Variants in FGGY observed in about 807,000 individuals in gnomAD.
FGGY encodes the protein FGGY carbohydrate kinase domain-containing protein.
In FGGY, 72 loss-of-function variants were observed where a neutral mutation model predicts 71.3. The ratio of observed to expected loss-of-function variants is 1.01; its 90% CI spans 0.84 to 1.23. The LOEUF (loss-of-function observed/expected upper bound fraction) is 1.23. Among genes scored for constraint, FGGY ranks in the 50% most tolerant of loss-of-function variants. The pLI is 0.00. For synonymous variants in FGGY, 251 were observed against 250.3 expected (o/e 1.00, Z -0.02); for missense variants, 668 against 682.3 (o/e 0.98, Z 0.23).
At chr1:59,327,412 T>C (rs1191765858) in intron 2 of FGGY, among the ~76,000 whole-genome samples, 1 of 152,236 alleles carries the variant, frequency 6.6e-6, no homozygotes, top group East Asian at 1.9e-4. Context: ...CGGTTCATAT[T>C]CTATCATGAG....
At chr1:59,608,790 A>C (rs2096647664) in intron 9 of FGGY, among the ~76,000 whole-genome samples, 2 of 152,186 alleles carry the variant, frequency 1.3e-5, no homozygotes, top group African/African-American at 4.8e-5. Context: ...TGAACTGAGA[A>C]TGCAACACTG....
At chr1:59,701,568 G>T (rs920930131) in intron 14 of FGGY, among the ~76,000 whole-genome samples, 1 of 152,110 alleles carries the variant, frequency 6.6e-6, no homozygotes, top group Non-Finnish European at 1.5e-5. Flanking sequence ...TGCAGAAGAG[G>T]CATACCATAA....
At chr1:59,655,519 C>G (rs1170713325) in intron 11 of FGGY, among the ~76,000 whole-genome samples, 3 of 150,344 alleles carry the variant, frequency 2.0e-5, no homozygotes, top group Middle Eastern at 3.2e-3. Flanking sequence ...TGAGTGAGAA[C>G]ATGTGGTGTT....
At chr1:59,326,695 T>G (rs1241242577) in intron 2 of FGGY, among the ~76,000 whole-genome samples, 2 of 152,198 alleles carry the variant, frequency 1.3e-5, no homozygotes, top group Admixed American at 1.3e-4. Context: ...TATTCATTTT[T>G]CTTTTCTCTA....
chr1:59,456,923 T>C (rs1189686114), intron 5 of FGGY, 38 bp from the exon 6 acceptor site: 1 of 1,464,640 alleles, frequency 6.8e-7, no homozygotes, highest in East Asian at 2.3e-5. Context: ...GCCTCACTCA[T>C]ATGGTCAGTT....
chr1:59,415,669 C>G (rs1367508320), intron 5 of FGGY, among the ~76,000 whole-genome samples: 4 of 152,212 alleles, frequency 2.6e-5, no homozygotes, highest in Admixed American at 6.5e-5. Flanking sequence ...AGTTATCACA[C>G]TGTTTTGCGG....
chr1:59,672,394 A>G (rs1218835708), intron 13 of FGGY, among the ~76,000 whole-genome samples: 1 of 152,150 alleles, frequency 6.6e-6, no homozygotes, highest in Non-Finnish European at 1.5e-5. Context: ...CTCACAACAC[A>G]CCTGTGTGGT....
intron 7 of FGGY, among the ~76,000 whole-genome samples, chr1:59,534,499 C>T (rs997049856): frequency 3.3e-5 from 5 of 151,726 alleles, no homozygotes; most frequent in Non-Finnish European, 7.4e-5. Flanking sequence ...AGATACTCCT[C>T]GAGAAGAGCA....
intron 7 of FGGY, among the ~76,000 whole-genome samples, chr1:59,546,520 G>GATTATTATT (rs1491427942): frequency 1.8e-3 from 152 of 82,978 alleles, no homozygotes; most frequent in Middle Eastern, 4.8e-3. Flanking sequence ...TGATGATGAT[G>GATTATTATT]ATGATGATGA....
chr1:59,649,711 CT>C (rs1446632183), intron 11 of FGGY, among the ~76,000 whole-genome samples: 1 of 134,894 alleles, frequency 7.4e-6, no homozygotes, highest in Non-Finnish European at 1.5e-5. Flanking sequence ...GACAATTTGA[CT>C]TCCTCTTTTC....
At chr1:59,325,891 A>G (rs1283804214) in intron 2 of FGGY, among the ~76,000 whole-genome samples, 1 of 152,238 alleles carries the variant, frequency 6.6e-6, no homozygotes, top group Non-Finnish European at 1.5e-5. Context: ...TCCTCCCTAC[A>G]TTCCCTAAAT....
intron 5 of FGGY, among the ~76,000 whole-genome samples, chr1:59,426,978 G>T (rs1024514530): frequency 2.0e-5 from 3 of 152,144 alleles, no homozygotes; most frequent in Non-Finnish European, 2.9e-5. Context: ...CAGAGGCCAA[G>T]CATGCTGGGG....
chr1:59,386,158 A>G (rs572083202), intron 5 of FGGY, among the ~76,000 whole-genome samples: 1 of 152,260 alleles, frequency 6.6e-6, no homozygotes, highest in Non-Finnish European at 1.5e-5. Flanking sequence ...ATATATTATC[A>G]TTAATAAAAT....
intron 8 of FGGY, among the ~76,000 whole-genome samples, chr1:59,597,261 T>C (rs2096533454): frequency 1.3e-5 from 2 of 152,226 alleles, no homozygotes; most frequent in African/African-American, 4.8e-5. Context: ...TTGATGCTTA[T>C]GCACAGAAAT....
intron 14 of FGGY, among the ~76,000 whole-genome samples, chr1:59,732,505 G>A (rs2098045836): frequency 6.6e-6 from 1 of 152,214 alleles, no homozygotes; most frequent in African/African-American, 2.4e-5. Context: ...ATGGGGAAGT[G>A]CAGGGAGGGC....
intron 5 of FGGY, among the ~76,000 whole-genome samples, chr1:59,402,044 T>C (rs556670220): frequency 4.0e-4 from 61 of 152,250 alleles, no homozygotes; most frequent in Non-Finnish European, 8.1e-4. Context: ...GGCTATAAGC[T>C]TTCTGACTGC....
chr1:59,550,714 T>C (rs1418171401), intron 7 of FGGY, among the ~76,000 whole-genome samples: 1 of 152,216 alleles, frequency 6.6e-6, no homozygotes, highest in Non-Finnish European at 1.5e-5. Flanking sequence ...TTCTAACTCT[T>C]AGCCCATGGC....
rs1216486547 is a variant in FGGY, at chr1:59,368,632, C to T, written c.466-10117C>T. On this transcript the variant is annotated intron_variant, in intron 4 of 15. Coordinates refer to ENST00000303721, the MANE Select transcript of FGGY (RefSeq NM_018291.5). ...AGTGGTTACAAGTAGAGAATTAATT[C>T]AGTAAGATTGAGGCCTTTGGCTGGG... Among the ~76,000 whole-genome samples the T allele has an allele frequency of 2.0e-5, 3 of 152,166 alleles. No homozygotes were observed. In the East Asian group the frequency reaches 5.8e-4, roughly 29 times the overall value.
At chr1:59,490,976 CTGCT>C (rs111259040) in intron 6 of FGGY, among the ~76,000 whole-genome samples, 2,072 of 46,718 alleles carry the variant, frequency 0.044, 111 homozygotes, top group Middle Eastern at 0.086. Flanking sequence ...TGCCTCCAGC[CTGCT>C]TGCTTGCTTG....
Sources: allele counts gnomAD v4.1 joint callset (sites outside exome capture counted in the v4.1 genomes callset), GRCh38; gene constraint gnomAD v4.1.1; transcripts MANE v1.5; gene names NCBI Gene and HGNC (gene_info 2026-07-23, HGNC 2026-07-21).